FBXW7: variants seen among roughly 807,000 people sequenced by gnomAD.
FBXW7 encodes the protein F-box and WD repeat domain containing 7.
Under a neutral mutation model 86.3 loss-of-function variants are expected in FBXW7, and 11 were observed. The ratio of observed to expected loss-of-function variants is 0.13; its 90% CI spans 0.08 to 0.21. The LOEUF (loss-of-function observed/expected upper bound fraction) is 0.21, where lower values mean the gene tolerates loss of function less well. Among genes scored for constraint, FBXW7 ranks in the 10% least tolerant of loss-of-function variants. FBXW7 has a pLI of 1.00. For synonymous variants in FBXW7, 313 were observed against 297.9 expected, an observed-to-expected ratio of 1.05 and a Z score of -0.52; for missense variants, 488 against 847.4, an observed-to-expected ratio of 0.58 and a Z score of 5.27.
intron 4 of FBXW7, among the ~76,000 whole-genome samples, chr4:152,401,602 T>C (rs1736934861): frequency 2.0e-5 from 3 of 152,160 alleles, no homozygotes; most frequent in Admixed American, 6.5e-5. Flanking sequence ...TGGTACTACA[T>C]TGGTAGATGC....
At chr4:152,476,456 C>T (rs59522261) in intron 2 of FBXW7, among the ~76,000 whole-genome samples, 13,957 of 152,002 alleles carry the variant, frequency 0.092, 1,401 homozygotes, top group African/African-American at 0.25. Context: ...AGAGAAAAAC[C>T]TGATAGTAAT....
chr4:152,352,990 G>A (rs1360057109), intron 4 of FBXW7: 2 of 1,269,124 alleles, frequency 1.6e-6, no homozygotes, highest in African/African-American at 3.0e-5. Context: ...GGAGGATGTG[G>A]GCAGCAGAGA....
At position 152,445,240 on chromosome 4, in the gene FBXW7, A is replaced by G. The variant is rs1347719317; in HGVS notation, c.-119-32711T>C. 3.2e-4 allele frequency among the ~76,000 whole-genome samples: 49 copies of G among 152,218 alleles called. 1 individual carries two copies. The highest frequency in any genetic ancestry group is 3.2e-3 in the Admixed American group (49 of 15,278). ...GTGAACAAATCATTTCTTATTCAAG[A>G]CTAAAAAAATTAGGTAATCATTTAT... On this transcript the variant is annotated intron_variant, in intron 2 of 13. Transcript: ENST00000281708.
At chr4:152,458,126 T>G (rs1364614659) in intron 2 of FBXW7, among the ~76,000 whole-genome samples, 3 of 152,122 alleles carry the variant, frequency 2.0e-5, no homozygotes, top group Admixed American at 6.5e-5. Flanking sequence ...TTCAAGAGAT[T>G]CTCCTGCCTC....
At chr4:152,431,480 T>G (rs1579181859) in intron 2 of FBXW7, among the ~76,000 whole-genome samples, 1 of 152,298 alleles carries the variant, frequency 6.6e-6, no homozygotes, top group East Asian at 1.9e-4. Context: ...GAATCTCCTG[T>G]TCTCAGGGAA....
intron 4 of FBXW7, among the ~76,000 whole-genome samples, chr4:152,399,021 C>T (rs181858192): frequency 5.3e-5 from 8 of 152,174 alleles, no homozygotes; most frequent in Middle Eastern, 3.4e-3. Context: ...TTTGTCAGGA[C>T]AGAGGTGGGA....
chr4:152,394,509 A>G (rs961299133), intron 4 of FBXW7, among the ~76,000 whole-genome samples: 1 of 152,128 alleles, frequency 6.6e-6, no homozygotes, highest in African/African-American at 2.4e-5. Flanking sequence ...GTGCAATATC[A>G]AACAGCTGAA....
intron 2 of FBXW7, among the ~76,000 whole-genome samples, chr4:152,441,871 A>G (rs1740924685): frequency 6.6e-6 from 1 of 152,214 alleles, no homozygotes; most frequent in East Asian, 1.9e-4. Context: ...TCCTATGCTC[A>G]CTTTTCTTTT....
At chr4:152,520,740 A>G (rs1464153044) in intron 2 of FBXW7, among the ~76,000 whole-genome samples, 1 of 152,222 alleles carries the variant, frequency 6.6e-6, no homozygotes, top group African/African-American at 2.4e-5. Context: ...AGCCAAAAGC[A>G]CTATTCAGGA....
At chr4:152,394,238 A>G (rs1011029161) in intron 4 of FBXW7, among the ~76,000 whole-genome samples, 3 of 152,166 alleles carry the variant, frequency 2.0e-5, no homozygotes, top group African/African-American at 7.2e-5. Context: ...GAATTTCTAC[A>G]GAAGTGCCAA....
At chr4:152,480,919 G>A (rs1744822656) in intron 2 of FBXW7, among the ~76,000 whole-genome samples, 1 of 152,204 alleles carries the variant, frequency 6.6e-6, no homozygotes, top group East Asian at 1.9e-4. Context: ...GAAGCAGCAA[G>A]TGCTGATGGA....
At chr4:152,345,479 G>A (rs1731174581) in intron 6 of FBXW7, among the ~76,000 whole-genome samples, 1 of 151,914 alleles carries the variant, frequency 6.6e-6, no homozygotes. Flanking sequence ...GACATTTTGG[G>A]CTGGATAATT....
intron 4 of FBXW7, among the ~76,000 whole-genome samples, chr4:152,376,773 T>C (rs1734563360): frequency 6.6e-6 from 1 of 152,072 alleles, no homozygotes. Context: ...TTGAGGATAG[T>C]CACCTGTTAG....
chr4:152,471,546 G>A (rs1025841734), intron 2 of FBXW7, among the ~76,000 whole-genome samples: 3 of 150,362 alleles, frequency 2.0e-5, no homozygotes, highest in Non-Finnish European at 4.4e-5. Context: ...ATGGAAGGAA[G>A]GAAGGAGAGA....
rs1732004065 is a variant in FBXW7 at position 152,352,984 on chromosome 4, G to C, written c.502-2860C>G. 2.3e-6 allele frequency: 3 copies of C among 1,305,444 alleles called. No homozygotes were observed. In the South Asian group the frequency reaches 7.5e-5, roughly 33 times the overall value. 80.9% of individuals were successfully genotyped at this position (1,305,444 alleles called of 1,614,324 possible). A position where few individuals can be genotyped will look rare whatever the true frequency, so the allele number is the denominator to read the frequency against. ...AACACAACGCACTGAACAGAGGGAG[G>C]ATGTGGGCAGCAGAGACCGCCCCCA... On this transcript the variant is annotated intron_variant, in intron 4 of 13. Coordinates refer to ENST00000281708, the MANE Select transcript of FBXW7 (RefSeq NM_001349798.2).
At chr4:152,345,027 T>C (rs1249893837) in intron 6 of FBXW7, among the ~76,000 whole-genome samples, 1 of 152,214 alleles carries the variant, frequency 6.6e-6, no homozygotes, top group South Asian at 2.1e-4. Context: ...ATCAGAATGA[T>C]ATATGCTGTT....
At chr4:152,350,191 T>C in intron 4 of FBXW7, 67 bp from the exon 5 acceptor site, 1 of 828,134 alleles carries the variant, frequency 1.2e-6, no homozygotes, top group Non-Finnish European at 1.8e-6. Context: ...TGAGTCAGCA[T>C]GGTTAATATT....
At chr4:152,333,778 G>C (rs886607761) in intron 7 of FBXW7, among the ~76,000 whole-genome samples, 19 of 152,128 alleles carry the variant, frequency 1.2e-4, no homozygotes, top group Admixed American at 9.2e-4. Flanking sequence ...CATGGGCTGG[G>C]TGTGGTGGCT....
intron 2 of FBXW7, among the ~76,000 whole-genome samples, chr4:152,416,197 T>C (rs1158558819): frequency 2.0e-5 from 3 of 152,206 alleles, no homozygotes; most frequent in African/African-American, 4.8e-5. Flanking sequence ...TAAATAATTA[T>C]CAGATCTTTT....
Sources: gnomAD v4.1 joint callset for allele counts (sites outside exome capture counted in the v4.1 genomes callset) on GRCh38, gnomAD v4.1.1 for gene constraint, MANE v1.5 for transcripts, NCBI Gene and HGNC (gene_info 2026-07-23, HGNC 2026-07-21) for gene names.